Variants in RAB3GAP2 observed in about 807,000 individuals in gnomAD.
RAB3GAP2 encodes rab3 GTPase-activating protein non-catalytic subunit.
RAB3GAP2 carries 87 observed loss-of-function variants against 185.3 expected under a neutral mutation model. The ratio of observed to expected loss-of-function variants is 0.47; its 90% CI spans 0.39 to 0.56. The LOEUF is 0.56. Ranked by LOEUF, RAB3GAP2 falls within the 20% of genes least tolerant of loss-of-function variation. The probability of loss-of-function intolerance (pLI) is 0.00; values close to 1 mark genes in which losing one functional copy is unlikely to be tolerated. For synonymous variants in RAB3GAP2, 554 were observed against 576.1 expected (o/e 0.96, Z 0.55); for missense variants, 1,492 against 1,638.2 (o/e 0.91, Z 1.54).
At chr1:220,239,961 C>A (rs1659659320) in intron 1 of RAB3GAP2, among the ~76,000 whole-genome samples, 1 of 147,832 alleles carries the variant, frequency 6.8e-6, no homozygotes. Context: ...ATTGAGTTCC[C>A]AAATAAACAC....
At chr1:220,212,099 T>C (rs1315747694) in intron 4 of RAB3GAP2, among the ~76,000 whole-genome samples, 1 of 152,206 alleles carries the variant, frequency 6.6e-6, no homozygotes, top group Non-Finnish European at 1.5e-5. Context: ...CATGTCACCA[T>C]ACTGGATATC....
At chr1:220,266,853 C>T in intron 1 of RAB3GAP2, 1 of 1,596,902 alleles carries the variant, frequency 6.3e-7, no homozygotes, top group Non-Finnish European at 8.6e-7. Flanking sequence ...TCCCTGGCTC[C>T]CTCTGTTACA....
chr1:220,267,838 C>T (rs977258469), intron 1 of RAB3GAP2: 12 of 1,169,342 alleles, frequency 1.0e-5, no homozygotes, highest in Admixed American at 1.7e-5. Flanking sequence ...TGCTGAGTCA[C>T]GAGAACATGT....
At position 220,252,170 on chromosome 1, in the gene RAB3GAP2, AG is replaced by A. The variant is rs1173016288; in HGVS notation, c.116-19308del. 5.3e-5 allele frequency among the ~76,000 whole-genome samples: 8 copies of A among 150,410 alleles called. No individual in the cohort carries two copies. The South Asian group carries it at 6.3e-4, about 12-fold the overall frequency. ...AAAAAAAGAAAAAAAAAAAAAAAAA[AG>A]AGAAAATGAAGAAAAAAAACAAGCT... is the stretch of plus-strand genomic sequence containing the variant. On this transcript the variant is annotated intron_variant, in intron 1 of 34. Coordinates refer to ENST00000358951, the MANE Select transcript of RAB3GAP2 (RefSeq NM_012414.4).
intron 1 of RAB3GAP2, chr1:220,266,290 C>T (rs574886889): frequency 3.9e-6 from 1 of 258,958 alleles, no homozygotes; most frequent in South Asian, 6.7e-5. Context: ...GCTTGGCCAA[C>T]CCAATAAGTT....
At chr1:220,248,119 T>C (rs1659853794) in intron 1 of RAB3GAP2, among the ~76,000 whole-genome samples, 1 of 150,752 alleles carries the variant, frequency 6.6e-6, no homozygotes, top group Non-Finnish European at 1.5e-5. Flanking sequence ...AAAACTTTGC[T>C]AAAAGATGCA....
chr1:220,200,739 T>C, intron 9 of RAB3GAP2: 1 of 458,336 alleles, frequency 2.2e-6, no homozygotes, highest in Non-Finnish European at 4.5e-6. Flanking sequence ...AATAGGTTTT[T>C]ATTACAGAGT....
intron 1 of RAB3GAP2, among the ~76,000 whole-genome samples, chr1:220,260,703 A>G (rs956475143): frequency 5.3e-5 from 8 of 152,072 alleles, no homozygotes; most frequent in African/African-American, 1.9e-4. Flanking sequence ...ACACATTTAC[A>G]TATATAACAA....
chr1:220,226,727 A>G (rs1219654333), intron 2 of RAB3GAP2, among the ~76,000 whole-genome samples: 2 of 152,144 alleles, frequency 1.3e-5, no homozygotes, highest in Non-Finnish European at 2.9e-5. Flanking sequence ...CACTTGCCCA[A>G]TTCAGTACAC....
chr1:220,210,092 T>C (rs1394003268), intron 7 of RAB3GAP2, among the ~76,000 whole-genome samples: 7 of 152,196 alleles, frequency 4.6e-5, no homozygotes, highest in Non-Finnish European at 8.8e-5. Context: ...TTATAAAATA[T>C]CATATTTTTG....
rs59541021 is a variant in RAB3GAP2, at chr1:220,158,619, T to C, written c.3262-743A>G. Reference sequence around the variant, plus strand: ...CCATGCCTGGCTAGTTTTTCTATTTTTAGTAGAGATGGGGTTTCACCTTGT... The same window carrying C: ...CCATGCCTGGCTAGTTTTTCTATTTCTAGTAGAGATGGGGTTTCACCTTGT... On this transcript the variant is annotated intron_variant, in intron 29 of 34. Transcript: ENST00000358951. This position sits in a 1 kb window ranked among gnomAD's most constrained non-coding sequence, Gnocchi z 4.3. Among the ~76,000 whole-genome samples, 37,943 of 151,862 alleles carry C rather than the reference T, an allele frequency of 0.25. 4,916 individuals carry two copies. Among genetic ancestry groups the C allele is most frequent in the East Asian group, 0.4 (2,068 of 5,148 alleles).
At chr1:220,165,839 GAGGATTAC>G (rs1658052524) in intron 26 of RAB3GAP2, among the ~76,000 whole-genome samples, 1 of 152,194 alleles carries the variant, frequency 6.6e-6, no homozygotes, top group Non-Finnish European at 1.5e-5. Context: ...CGTGTGCTAT[GAGGATTAC>G]AAGCTCTATG....
rs191556013 is a variant in RAB3GAP2, at chr1:220,244,588, G to A, written c.116-11725C>T. Among the ~76,000 whole-genome samples the A allele has an allele frequency of 1.2e-3, 190 of 152,130 alleles. 2 individuals are homozygous for A. Among genetic ancestry groups the A allele is most frequent in the African/African-American group, 4.4e-3 (182 of 41,506 alleles). On this transcript the variant is annotated intron_variant, in intron 1 of 34. Transcript: ENST00000358951. ...TTCATATGGAACAAAAAAAGAGCCC[G>A]CATAGCCAAAGCAAGACTAAGCAAA...
At position 220,189,758 on chromosome 1, in the gene RAB3GAP2, T is replaced by C. The variant is rs747613139; in HGVS notation, c.1724A>G (p.Glu575Gly). 6.6e-7 allele frequency: 1 copy of C among 1,506,962 alleles called. No individual in the cohort carries two copies. The highest frequency in any genetic ancestry group is 1.4e-5 in the African/African-American group (1 of 71,830). 93.3% of individuals were successfully genotyped at this position (1,506,962 alleles called of 1,614,324 possible). A position where few individuals can be genotyped will look rare whatever the true frequency, so the allele number is the denominator to read the frequency against. ...KTKSPNLDLV[E>G]TEIKELILDI... ...AAGAATTAATTCCTTTATTTCTGTT[T>C]CAACCAAATCTATAAAGAAAAAAAT... The change falls in exon 17 of 35, where the codon GAA (glutamate) becomes GGA (glycine). Residue 575 changes from glutamate to glycine, a missense_variant. Glu to Gly is a moderately conservative substitution (Grantham distance 98). Transcript: ENST00000358951.
rs770067001 is a variant in RAB3GAP2, at chr1:220,151,707, C to T, written c.3925G>A (p.Gly1309Arg). Reference protein sequence around the residue: ...VLASQLLVLTGQRLAHALLHT... With the variant: ...VLASQLLVLTRQRLAHALLHT... Reference sequence around the variant, plus strand: ...AGAAGCGCATGAGCCAGCCTTTGCCCCGTGAGCACCAGCAGCTGAGAGGCA... The same window carrying T: ...AGAAGCGCATGAGCCAGCCTTTGCCTCGTGAGCACCAGCAGCTGAGAGGCA... The change falls in exon 34 of 35, where the codon GGG becomes AGG. Residue 1309 changes from glycine (G) to arginine (R), a missense_variant. Transcript: ENST00000358951. 3 of 1,611,876 alleles carry T rather than the reference C, an allele frequency of 1.9e-6. No individual in the cohort carries two copies.
At chr1:220,260,378 A>C (rs1054161544) in intron 1 of RAB3GAP2, among the ~76,000 whole-genome samples, 2 of 152,252 alleles carry the variant, frequency 1.3e-5, no homozygotes, top group African/African-American at 4.8e-5. Flanking sequence ...GATAAGGAAA[A>C]ATGTGGTATA....
intron 28 of RAB3GAP2, among the ~76,000 whole-genome samples, chr1:220,160,963 C>A (rs1472678402): frequency 6.6e-6 from 1 of 152,188 alleles, no homozygotes. Flanking sequence ...TCACAAATTT[C>A]CTACTTCCTG....
chr1:220,195,258 A>G, intron 11 of RAB3GAP2, 40 bp downstream of exon 11: 1 of 1,596,216 alleles, frequency 6.3e-7, no homozygotes, highest in Non-Finnish European at 8.6e-7. Context: ...CAAGCTAGAT[A>G]CAAATGAGAT....
Position 220,179,159 on chromosome 1 carries a change from G to C in RAB3GAP2, c.2310+3098C>G, listed in dbSNP as rs527342713. Among the ~76,000 whole-genome samples, 7 of 140,350 alleles carry C rather than the reference G, an allele frequency of 5.0e-5. No homozygotes were observed. In the South Asian group the frequency reaches 1.1e-3, roughly 23 times the overall value. 92.1% of individuals were successfully genotyped at this position (140,350 alleles called of 152,430 possible). On this transcript the variant is annotated intron_variant, in intron 21 of 34. Transcript: ENST00000358951. ...AGACAAAGGGGAGGCTGAGGCAGGA[G>C]AATAACTTGAACCTGGGAGGTAGAG...
Sources: gnomAD v4.1 joint callset for allele counts (sites outside exome capture counted in the v4.1 genomes callset) on GRCh38, gnomAD v4.1.1 for gene constraint, Gnocchi (gnomAD v3.1) non-coding constraint, MANE v1.5 for transcripts, NCBI Gene and HGNC (gene_info 2026-07-23, HGNC 2026-07-21) for gene names.